Variants in SCFD2 observed in about 807,000 individuals in gnomAD.
SCFD2 encodes the protein sec1 family domain-containing protein 2.
Under a neutral mutation model 58.9 loss-of-function variants are expected in SCFD2, and 54 were observed. The observed-to-expected ratio is 0.92, with a 90% CI of 0.74 to 1.15. SCFD2 has a LOEUF of 1.15. SCFD2 is among the 50% of genes most tolerant of loss of function. The pLI is 0.00. For missense variants in SCFD2, 805 were observed against 836.6 expected (o/e 0.96, Z 0.47); for synonymous variants, 321 against 335.9 (o/e 0.96, Z 0.49).
intron 5 of SCFD2, among the ~76,000 whole-genome samples, chr4:53,073,738 T>C (rs903103924): frequency 4.4e-5 from 1 of 22,564 alleles, no homozygotes; most frequent in African/African-American, 3.9e-4. Flanking sequence ...TTGCATGAAT[T>C]TTTTTTGATA....
At chr4:53,169,789 T>G (rs1436187628) in intron 4 of SCFD2, among the ~76,000 whole-genome samples, 1 of 152,212 alleles carries the variant, frequency 6.6e-6, no homozygotes, top group Non-Finnish European at 1.5e-5. Context: ...GATTAGTGAT[T>G]TGGGGCATGT....
At chr4:53,057,340 T>C (rs1344069797) in intron 5 of SCFD2, among the ~76,000 whole-genome samples, 2 of 151,678 alleles carry the variant, frequency 1.3e-5, no homozygotes, top group African/African-American at 4.8e-5. Context: ...TAAAAAGGAA[T>C]GAGATCATGT....
intron 5 of SCFD2, among the ~76,000 whole-genome samples, chr4:53,059,680 C>A (rs148193982): frequency 1.4e-4 from 22 of 151,792 alleles, no homozygotes; most frequent in Non-Finnish European, 1.9e-4. Context: ...GTATAGCCAA[C>A]TTTCAAATAC....
chr4:53,263,118 T>TC (rs1345430864), intron 4 of SCFD2, among the ~76,000 whole-genome samples: 128 of 152,224 alleles, frequency 8.4e-4, no homozygotes, highest in Admixed American at 2.6e-3. Flanking sequence ...TGTTCTTATT[T>TC]ATGCTGTCTA....
intron 3 of SCFD2, among the ~76,000 whole-genome samples, chr4:53,284,862 C>G (rs1731615166): frequency 6.6e-6 from 1 of 152,136 alleles, no homozygotes; most frequent in African/African-American, 2.4e-5. Context: ...TTGGATAAAG[C>G]CCAGCTGGGA....
intron 5 of SCFD2, among the ~76,000 whole-genome samples, chr4:53,103,732 T>C (rs1724896500): frequency 8.2e-6 from 1 of 121,706 alleles, no homozygotes; most frequent in Non-Finnish European, 1.6e-5. Context: ...GAAATATACA[T>C]GAGTCTGGGT....
chr4:53,298,488 C>T (rs957855228), intron 3 of SCFD2, among the ~76,000 whole-genome samples: 2 of 152,332 alleles, frequency 1.3e-5, no homozygotes, highest in Non-Finnish European at 2.9e-5. Flanking sequence ...TCAAGGAGGC[C>T]TGCCTGCCTC....
At chr4:53,255,021 C>A (rs1403052685) in intron 4 of SCFD2, among the ~76,000 whole-genome samples, 1 of 150,336 alleles carries the variant, frequency 6.7e-6, no homozygotes, top group East Asian at 1.9e-4. Context: ...TACAGGCACA[C>A]ACCGCCATGC....
chr4:53,333,978 C>T (rs1156508973), intron 2 of SCFD2, among the ~76,000 whole-genome samples: 4 of 148,792 alleles, frequency 2.7e-5, no homozygotes, highest in Non-Finnish European at 3.0e-5. Context: ...GACATTTATG[C>T]AGCCAAAAAA....
At chr4:52,876,054 C>A (rs1308085087) in intron 8 of SCFD2, among the ~76,000 whole-genome samples, 1 of 151,772 alleles carries the variant, frequency 6.6e-6, no homozygotes, top group African/African-American at 2.4e-5. Flanking sequence ...TCAGGTCTTC[C>A]TCACCAAACC....
At chr4:52,895,709 A>C (rs1288084380) in intron 7 of SCFD2, among the ~76,000 whole-genome samples, 1 of 152,188 alleles carries the variant, frequency 6.6e-6, no homozygotes, top group Non-Finnish European at 1.5e-5. Flanking sequence ...GCTGGGTCAA[A>C]TGGTATTTCT....
chr4:52,875,706 A>C (rs1240419659), intron 8 of SCFD2, among the ~76,000 whole-genome samples: 1 of 150,940 alleles, frequency 6.6e-6, no homozygotes, highest in Admixed American at 6.6e-5. Context: ...TTGTTAAAGA[A>C]AGAATTTTTC....
At chr4:53,067,779 A>ATGAGAACAGACTAATACAG (rs1439943199) in intron 5 of SCFD2, among the ~76,000 whole-genome samples, 2 of 152,050 alleles carry the variant, frequency 1.3e-5, no homozygotes, top group Non-Finnish European at 2.9e-5. Context: ...TATTAGCAGC[A>ATGAGAACAGACTAATACAG]TGAGAACAGA....
At chr4:53,214,225 CG>C (rs1399866922) in intron 4 of SCFD2, among the ~76,000 whole-genome samples, 1 of 152,098 alleles carries the variant, frequency 6.6e-6, no homozygotes, top group Non-Finnish European at 1.5e-5. Flanking sequence ...CCTGAGGAAT[CG>C]CCACACTGAC....
At chr4:53,162,977 G>T (rs1386141817) in intron 4 of SCFD2, among the ~76,000 whole-genome samples, 1 of 152,104 alleles carries the variant, frequency 6.6e-6, no homozygotes, top group African/African-American at 2.4e-5. Flanking sequence ...GAAGGAGAAG[G>T]GCATTTCAGT....
chr4:53,324,247 T>C (rs1356462776), intron 2 of SCFD2, among the ~76,000 whole-genome samples: 2 of 151,370 alleles, frequency 1.3e-5, no homozygotes, highest in Non-Finnish European at 2.9e-5. Flanking sequence ...CAAGACCCCA[T>C]CTCTACAAAA....
At chr4:53,121,425 T>C (rs530708716) in intron 5 of SCFD2, among the ~76,000 whole-genome samples, 6 of 152,236 alleles carry the variant, frequency 3.9e-5, no homozygotes, top group African/African-American at 1.2e-4. Context: ...TTGTTCAAGT[T>C]TGGGCTCCAA....
intron 4 of SCFD2, among the ~76,000 whole-genome samples, chr4:53,173,218 T>C (rs1727231188): frequency 6.6e-6 from 1 of 152,134 alleles, no homozygotes; most frequent in East Asian, 1.9e-4. Flanking sequence ...GTTGAAAATA[T>C]TATAAACAAT....
chr4:53,171,780 A>G (rs73143491), intron 4 of SCFD2, among the ~76,000 whole-genome samples: 2,606 of 152,066 alleles, frequency 0.017, 82 homozygotes, highest in African/African-American at 0.059. Flanking sequence ...TTGTTGCTGT[A>G]TAATTGTTCA....
Sources: gnomAD v4.1 joint callset for allele counts (sites outside exome capture counted in the v4.1 genomes callset) on GRCh38, gnomAD v4.1.1 for gene constraint, MANE v1.5 for transcripts, NCBI Gene and HGNC (gene_info 2026-07-23, HGNC 2026-07-21) for gene names.